Variants in COL16A1 observed in about 807,000 individuals in gnomAD.
COL16A1 encodes the protein collagen alpha-1(XVI) chain.
COL16A1 carries 189 observed loss-of-function variants against 266.3 expected under a neutral mutation model. The observed-to-expected ratio is 0.71, with a 90% CI of 0.63 to 0.80. The LOEUF (loss-of-function observed/expected upper bound fraction) is 0.80. Among genes scored for constraint, COL16A1 ranks in the 30% least tolerant of loss-of-function variants. COL16A1 has a pLI of 0.00. For synonymous variants in COL16A1, 740 were observed against 782.3 expected, an observed-to-expected ratio of 0.95 and a Z score of 0.90; for missense variants, 1,928 against 2,122.4, an observed-to-expected ratio of 0.91 and a Z score of 1.80.
intron 29 of COL16A1, 104 bp from the exon 30 acceptor site, chr1:31,684,960 A>C: frequency 1.9e-6 from 3 of 1,587,118 alleles, no homozygotes; most frequent in Non-Finnish European, 2.6e-6. Context: ...AACAAACAAA[A>C]TCTCTGCTTT....
At position 31,685,804 on chromosome 1, in the gene COL16A1, C is replaced by G. The variant is rs771635696; in HGVS notation, c.1885-34G>C. 5.0e-6 allele frequency: 8 copies of G among 1,610,318 alleles called. No homozygotes were observed. The Middle Eastern group carries it at 6.6e-4, about 133-fold the overall frequency. ...CAAGGACATTGAGTTAGGGGGTCCCCCAGGCCCTAGTGCACTTGAGCGAGG... is the reference window on the plus strand; with the variant it reads ...CAAGGACATTGAGTTAGGGGGTCCCGCAGGCCCTAGTGCACTTGAGCGAGG... On this transcript the variant is annotated intron_variant, in intron 28 of 70. Transcript: ENST00000373672. This position sits in a 1 kb window ranked among gnomAD's most constrained non-coding sequence, Gnocchi z 4.0.
intron 1 of COL16A1, among the ~76,000 whole-genome samples, 173 bp from the exon 2 acceptor site, chr1:31,702,400 T>C (rs528934777): frequency 6.0e-4 from 92 of 152,344 alleles, no homozygotes; most frequent in South Asian, 8.3e-4. Flanking sequence ...GGGCTAGGAT[T>C]TGAGCAGAGG....
At chr1:31,691,916 G>T in intron 17 of COL16A1, 89 bp downstream of exon 17, 1 of 1,593,724 alleles carries the variant, frequency 6.3e-7, no homozygotes, top group South Asian at 1.1e-5. Context: ...TCTGAGCAAG[G>T]GGAGGGGGCT....
intron 41 of COL16A1, 24 bp downstream of exon 41, chr1:31,679,780 G>C (rs775847366): frequency 1.3e-6 from 2 of 1,576,364 alleles, no homozygotes; most frequent in East Asian, 2.2e-5. Context: ...GGCGCTGGCG[G>C]ACAAGAGGAG....
In COL16A1 at chr1:31,685,361, T is replaced by C. The variant is rs1366678823; in HGVS notation, c.2016+278A>G. Among the ~76,000 whole-genome samples the C allele has an allele frequency of 6.6e-6, 1 of 152,192 alleles. No individual in the cohort carries two copies. Among genetic ancestry groups the C allele is most frequent in the Non-Finnish European group, 1.5e-5 (1 of 68,032 alleles). On this transcript the variant is annotated intron_variant, in intron 29 of 70. Coordinates refer to ENST00000373672, the MANE Select transcript of COL16A1 (RefSeq NM_001856.4). This position sits in a 1 kb window ranked among gnomAD's most constrained non-coding sequence, Gnocchi z 4.0. ...GTGGAGAGAAGGTGACTTGCTCAAGTCAAAGACTTAGTAAGAAGCAAAGCT... is the reference window on the plus strand; with the variant it reads ...GTGGAGAGAAGGTGACTTGCTCAAGCCAAAGACTTAGTAAGAAGCAAAGCT...
In COL16A1 at chr1:31,668,183, CG is replaced by C; in HGVS notation, c.3284del (p.Thr1095ArgfsTer132). The part of the protein sequence containing the change: ...PPGQPGYPGA[T>X]GPPGLPGIKG... ...TACTCACAGGCAGTCCTGGGGGGCC[CG>C]TGGCACCTGGGTAACCTGGTTGCCC... On this transcript the variant is annotated frameshift_variant, in exon 51 of 71. Coordinates refer to ENST00000373672, the MANE Select transcript of COL16A1 (RefSeq NM_001856.4). LOFTEE classifies it high-confidence loss of function. The surrounding 1 kb of genome is among the most constrained non-coding windows in gnomAD (Gnocchi z 5.8). The C allele has an allele frequency of 6.2e-7, 1 of 1,612,790 alleles. No individual in the cohort carries two copies. Among genetic ancestry groups the C allele is most frequent in the Non-Finnish European group, 8.5e-7 (1 of 1,179,374 alleles).
At chr1:31,661,319 G>A in intron 60 of COL16A1, 95 bp downstream of exon 60, 2 of 1,590,276 alleles carry the variant, frequency 1.3e-6, no homozygotes, top group Non-Finnish European at 1.7e-6. Context: ...ATGCTGGGAT[G>A]GCCTCTCTGC....
At position 31,695,783 on chromosome 1, in the gene COL16A1, T is replaced by C. The variant is rs767496544; in HGVS notation, c.923A>G (p.His308Arg). ...SQKAERGAKV[H>R]QETAADECPP... ...TACCTCATCGGCTGCTGTCTCCTGA[T>C]GGACCTGAGGAAAGGGTGGGGGGTG... The change falls in exon 10 of 71, where the codon CAT (histidine) becomes CGT (arginine). Residue 308 changes from histidine to arginine, a missense_variant. His to Arg is a conservative substitution (Grantham distance 29). Around this residue, in one of 2 missense-constraint regions of COL16A1, gnomAD observed 1,552 missense variants for 1,637.2 expected, o/e 0.95. Coordinates refer to ENST00000373672, the MANE Select transcript of COL16A1 (RefSeq NM_001856.4). The C allele has an allele frequency of 2.0e-5, 32 of 1,611,604 alleles. No homozygotes were observed. The South Asian group carries it at 3.2e-4, about 16-fold the overall frequency.
In COL16A1 at chr1:31,686,192, G is replaced by A. The variant is rs909612683; in HGVS notation, c.1839+52C>T. ...GCATCTGCCAGGGCCATGCCTATCA[G>A]CCCCTCCCACCTTGTCCTCTCCCAA... On this transcript the variant is annotated intron_variant, in intron 27 of 70. Coordinates refer to ENST00000373672, the MANE Select transcript of COL16A1 (RefSeq NM_001856.4). 68 of 1,614,020 alleles carry A rather than the reference G, an allele frequency of 4.2e-5. 1 individual carries two copies. The East Asian group carries it at 1.3e-3, about 31-fold the overall frequency.
chr1:31,683,811 C>G, intron 33 of COL16A1, 63 bp from the exon 34 acceptor site: 1 of 1,612,280 alleles, frequency 6.2e-7, no homozygotes, highest in Non-Finnish European at 8.5e-7. Context: ...CCCTTCTCCC[C>G]AGCCCCTTCT....
rs1644655320 is a variant in COL16A1 at position 31,699,854 on chromosome 1, G to A, written c.225C>T (p.Leu75=). The change falls in exon 4 of 71, where the codon CTC becomes CTT. Residue 75 remains leucine (L), a synonymous_variant. Transcript: ENST00000373672. ...IKKIRNPKGP[L]ILRLGAAPVT... The stretch of plus-strand genomic sequence containing the variant: ...CGGGGGCCGCCCCCAGGCGCAGGAT[G>A]AGAGGCCCCTTGGGGTTGCGGATCT... The A allele has an allele frequency of 6.2e-7, 1 of 1,613,984 alleles. No individual in the cohort carries two copies. Among genetic ancestry groups the A allele is most frequent in the Non-Finnish European group, 8.5e-7 (1 of 1,179,834 alleles).
chr1:31,666,728 C>T (rs1338160766), intron 52 of COL16A1, among the ~76,000 whole-genome samples: 1 of 152,178 alleles, frequency 6.6e-6, no homozygotes, highest in Non-Finnish European at 1.5e-5. Context: ...GGATCCCTCC[C>T]TCCTGCTAGT....
Position 31,655,401 on chromosome 1 carries a change from C to G in COL16A1, c.4203G>C (p.Gly1401=). The stretch of plus-strand genomic sequence containing the variant: ...CTCTCTCTCCTGCAGGGCCCGGTGG[C>G]CCAACAGGCCCCATGGAACCACTCT... ...PGKSGSMGPV[G]PPGPAGERGH... Residue 1401 remains glycine (G), a synonymous_variant, in exon 67 of 71, where the codon GGG becomes GGC. Transcript: ENST00000373672. 6.2e-7 allele frequency: 1 copy of G among 1,614,054 alleles called. No homozygotes were observed. Among genetic ancestry groups the G allele is most frequent in the South Asian group, 1.1e-5 (1 of 91,074 alleles).
At chr1:31,665,458 G>T in intron 55 of COL16A1, 125 bp downstream of exon 55, 1 of 1,558,692 alleles carries the variant, frequency 6.4e-7, no homozygotes. Flanking sequence ...GGCCACCCAG[G>T]CCGTTCTCCC....
chr1:31,692,197 A>G lies in COL16A1; in HGVS notation c.1195-130T>C, dbSNP rs541571720. ...GTCTCCCCTGAGGGTGAATGGCTTC[A>G]ATCACCACGGGAGGGTAGACAACAG... On this transcript the variant is annotated intron_variant, in intron 16 of 70. Coordinates refer to ENST00000373672, the MANE Select transcript of COL16A1 (RefSeq NM_001856.4). The G allele has an allele frequency of 5.0e-6, 7 of 1,409,808 alleles. No homozygotes were observed. In the Admixed American group the frequency reaches 1.3e-4, roughly 26 times the overall value. The allele number at this position is 1,409,808 out of a possible 1,614,324, so 87.3% of individuals were successfully genotyped here.
chr1:31,686,163 C>T, intron 27 of COL16A1, 28 bp from the exon 28 acceptor site: 3 of 1,603,368 alleles, frequency 1.9e-6, no homozygotes, highest in Non-Finnish European at 2.5e-6. Flanking sequence ...ACAGGTAATG[C>T]CCAGCATCTG....
rs150759547 is a variant in COL16A1, at chr1:31,691,638, C to T, written c.1262G>A (p.Arg421Gln). Residue 421 changes from arginine (R) to glutamine (Q), a missense_variant, in exon 18 of 71, where the codon CGG becomes CAG. Transcript: ENST00000373672. ...CCCAATGACACAGATCTCTCCTGGC[C>T]GGCCCTGTGGGGGGATAAGGGGGAG... ...GVPGKPGRDG[R>Q]PGEICVIGPK... 642 of 1,613,508 alleles carry T rather than the reference C, an allele frequency of 4.0e-4. 9 individuals carry two copies. In the East Asian group the frequency reaches 0.012, roughly 31 times the overall value.
chr1:31,665,315 G>T (rs1642033804), intron 55 of COL16A1, 81 bp from the exon 56 acceptor site: 3 of 1,546,732 alleles, frequency 1.9e-6, no homozygotes, highest in Non-Finnish European at 1.7e-6. Context: ...TGTGCATGAT[G>T]CACTGTTGTT....
At chr1:31,676,800 G>A (rs533512898) in intron 42 of COL16A1, among the ~76,000 whole-genome samples, 3 of 152,342 alleles carry the variant, frequency 2.0e-5, no homozygotes, top group East Asian at 3.9e-4. Context: ...GAGGAGATGT[G>A]CAGTAAGTAC....
Sources: gnomAD v4.1 joint callset for allele counts (sites outside exome capture counted in the v4.1 genomes callset) on GRCh38, gnomAD v4.1.1 for gene constraint, gnomAD v4.1.1 regional missense constraint, Gnocchi (gnomAD v3.1) non-coding constraint, MANE v1.5 for transcripts, NCBI Gene and HGNC (gene_info 2026-07-23, HGNC 2026-07-21) for gene names.